VWF: variants seen among roughly 807,000 people sequenced by gnomAD.
VWF encodes Factor VIII related antigen.
VWF carries 176 observed loss-of-function variants against 308.6 expected under a neutral mutation model. The ratio of observed to expected loss-of-function variants is 0.57; its 90% CI spans 0.50 to 0.65. The LOEUF (loss-of-function observed/expected upper bound fraction) is 0.65, where lower values mean the gene tolerates loss of function less well. VWF is among the 30% of genes least tolerant of loss of function. VWF has a pLI of 0.00. For synonymous variants in VWF, 1,385 were observed against 1,443.4 expected (o/e 0.96, Z 0.92); for missense variants, 3,146 against 3,648.2 (o/e 0.86, Z 3.55).
At chr12:5,995,161 G>A (rs986078068) in intron 35 of VWF, among the ~76,000 whole-genome samples, 6 of 152,154 alleles carry the variant, frequency 3.9e-5, no homozygotes, top group African/African-American at 1.4e-4. Context: ...CAAAAGGTTG[G>A]ACACTGGTGT....
At chr12:6,002,597 T>C (rs1193458355) in intron 34 of VWF, among the ~76,000 whole-genome samples, 1 of 151,836 alleles carries the variant, frequency 6.6e-6, no homozygotes, top group Non-Finnish European at 1.5e-5. Context: ...CTCCTGTAGA[T>C]AAAAGACAAA....
intron 38 of VWF, among the ~76,000 whole-genome samples, chr12:5,990,639 A>C (rs1943729076): frequency 6.6e-6 from 1 of 152,012 alleles, no homozygotes; most frequent in Admixed American, 6.6e-5. Flanking sequence ...CTAGAAGCCA[A>C]ATATGCTTCT....
chr12:6,095,330 G>T, intron 6 of VWF, 130 bp downstream of exon 6: 1 of 1,434,628 alleles, frequency 7.0e-7, no homozygotes, highest in Non-Finnish European at 9.8e-7. Context: ...GCCACAGTTA[G>T]TTTTGGAGGA....
chr12:5,985,678 C>G lies in VWF; in HGVS notation c.6799-13G>C, dbSNP rs764580600. The G allele has an allele frequency of 6.2e-7, 1 of 1,612,854 alleles. No individual in the cohort carries two copies. Among genetic ancestry groups the G allele is most frequent in the East Asian group, 2.2e-5 (1 of 44,874 alleles). ...AGGCTTCCAGGAACTGAGGGCAAAG[C>G]GAGGTTCAGAAAGGGCACAGGACAT... On this transcript the variant is annotated splice_polypyrimidine_tract_variant and intron_variant, in intron 38 of 51. Transcript: ENST00000261405.
intron 3 of VWF, among the ~76,000 whole-genome samples, chr12:6,119,626 A>G (rs1169175429): frequency 6.6e-6 from 1 of 152,122 alleles, no homozygotes; most frequent in Non-Finnish European, 1.5e-5. Flanking sequence ...CGGGTGGATC[A>G]CCTGAGGTCA....
intron 7 of VWF, among the ~76,000 whole-genome samples, chr12:6,074,267 A>G (rs1944814850): frequency 6.6e-6 from 1 of 151,844 alleles, no homozygotes; most frequent in Non-Finnish European, 1.5e-5. Context: ...CACAGATATC[A>G]CCTAAGCACT....
In VWF at chr12:6,066,355, A is replaced by G. The variant is rs1353281559; in HGVS notation, c.1157-1082T>C. 3.9e-5 allele frequency among the ~76,000 whole-genome samples: 6 copies of G among 152,240 alleles called. No homozygotes were observed. The East Asian group carries it at 5.8e-4, about 15-fold the overall frequency. On this transcript the variant is annotated intron_variant, in intron 10 of 51. Coordinates refer to ENST00000261405, the MANE Select transcript of VWF (RefSeq NM_000552.5). ...TGGATCCCTTCCCAACCTGCCCTAT[A>G]TATTTCCTCCACCTGCTCTCATCTT...
chr12:6,019,832 C>G lies in VWF; in HGVS notation c.3675-89G>C. 3.6e-6 allele frequency: 5 copies of G among 1,387,086 alleles called. No individual in the cohort carries two copies. Among genetic ancestry groups the G allele is most frequent in the Non-Finnish European group, 4.9e-6 (5 of 1,010,338 alleles). 85.9% of individuals were successfully genotyped at this position (1,387,086 alleles called of 1,614,324 possible). A position where few individuals can be genotyped will look rare whatever the true frequency, so the allele number is the denominator to read the frequency against. On this transcript the variant is annotated intron_variant, in intron 27 of 51. Coordinates refer to ENST00000261405, the MANE Select transcript of VWF (RefSeq NM_000552.5). This position sits in a 1 kb window ranked among gnomAD's most constrained non-coding sequence, Gnocchi z 5.8. ...ACAGTGTACAATGACTTCCATATTC[C>G]CACAGAATCTCCTCTGTTCCACCTG...
chr12:6,031,039 A>AC (rs1591871405), intron 21 of VWF, among the ~76,000 whole-genome samples: 2 of 152,202 alleles, frequency 1.3e-5, no homozygotes, highest in Non-Finnish European at 2.9e-5. Flanking sequence ...TCAAAAAAAT[A>AC]AAGTATTTAT....
rs972740801 is a variant in VWF at position 6,056,922 on chromosome 12, G to C, written c.1880C>G (p.Ala627Gly). 6.5e-7 allele frequency: 1 copy of C among 1,533,012 alleles called. No individual in the cohort carries two copies. The highest frequency in any genetic ancestry group is 1.2e-5 in the South Asian group (1 of 83,588). 95.0% of individuals were successfully genotyped at this position (1,533,012 alleles called of 1,614,324 possible). ...CCCCGCGCAGGCCGCGGCATAGCTG[G>C]CCAGGGCGCCGCACAGGCACTCGCG... ...DGRECLCGAL[A>G]SYAAACAGRG... The change falls in exon 15 of 52, where the codon GCC (alanine) becomes GGC (glycine). Residue 627 changes from alanine to glycine, a missense_variant. By Grantham distance (60) the Ala-to-Gly change is moderately conservative. Coordinates refer to ENST00000261405, the MANE Select transcript of VWF (RefSeq NM_000552.5).
chr12:6,062,335 C>T (rs538576447), intron 13 of VWF, among the ~76,000 whole-genome samples: 77 of 152,132 alleles, frequency 5.1e-4, no homozygotes, highest in Non-Finnish European at 9.7e-4. Flanking sequence ...TTCTGGAGTG[C>T]TGCACCATCC....
Position 5,993,909 on chromosome 12 carries a change from C to T in VWF, c.6551G>A (p.Cys2184Tyr), listed in dbSNP as rs2136385288. 1.2e-6 allele frequency: 2 copies of T among 1,613,988 alleles called. No homozygotes were observed. Among genetic ancestry groups the T allele is most frequent in the Non-Finnish European group, 8.5e-7 (1 of 1,180,016 alleles). Residue 2184 changes from cysteine (C) to tyrosine (Y), a missense_variant, in exon 37 of 52, where the codon TGT (cysteine) becomes TAT (tyrosine). Transcript: ENST00000261405. ...GTCAACGCAGACCCCGTTGGTCCGA[C>T]AGAGGTGGGCATAAGAGGCGATCAC... ...CEVIASYAHL[C>Y]RTNGVCVDWR...
chr12:5,961,039 TACCGTGA>T (rs1943308284), intron 47 of VWF, among the ~76,000 whole-genome samples: 2 of 152,112 alleles, frequency 1.3e-5, no homozygotes, highest in Non-Finnish European at 2.9e-5. Context: ...GCCCAAACCC[TACCGTGA>T]ACTGCACATG....
At chr12:6,040,151 C>A in intron 18 of VWF, among the ~76,000 whole-genome samples, 1 of 152,118 alleles carries the variant, frequency 6.6e-6, no homozygotes, top group East Asian at 1.9e-4. Flanking sequence ...TTACCCTTGC[C>A]GCCGGACTCA....
intron 45 of VWF, among the ~76,000 whole-genome samples, chr12:5,968,898 T>C (rs1273368652): frequency 6.6e-6 from 1 of 152,152 alleles, no homozygotes; most frequent in Non-Finnish European, 1.5e-5. Context: ...ATTTTTCTGT[T>C]TGTTGGCAGC....
intron 22 of VWF, among the ~76,000 whole-genome samples, chr12:6,029,073 A>G (rs1944227482): frequency 6.8e-6 from 1 of 147,514 alleles, no homozygotes; most frequent in Non-Finnish European, 1.5e-5. Context: ...AAGGTCTACC[A>G]AGCAAATGGA....
intron 15 of VWF, among the ~76,000 whole-genome samples, chr12:6,055,443 T>C (rs920054789): frequency 1.3e-5 from 2 of 152,116 alleles, no homozygotes; most frequent in African/African-American, 4.8e-5. Flanking sequence ...CACGGGAAAG[T>C]TGCCAGTAAG....
chr12:6,076,748 A>G (rs1944849069), intron 6 of VWF, among the ~76,000 whole-genome samples: 1 of 152,214 alleles, frequency 6.6e-6, no homozygotes, highest in Non-Finnish European at 1.5e-5. Context: ...GGAGAGGGAA[A>G]TTCAATCAGC....
chr12:6,016,127 T>C lies in VWF; in HGVS notation c.5417A>G (p.Asp1806Gly). ...GGCATCAGCTGCTGCATCCACTGAA[T>C]CCACAGAGACGTCCGTGACCAGGAT... ...VVILVTDVSVDSVDAAADAAR... is the reference protein window; with the variant it reads ...VVILVTDVSVGSVDAAADAAR... Residue 1806 changes from aspartate to glycine, a missense_variant, in exon 31 of 52, where the codon GAT (aspartate) becomes GGT (glycine). Transcript: ENST00000261405. The C allele has an allele frequency of 6.2e-7, 1 of 1,614,150 alleles. No individual in the cohort carries two copies. The highest frequency in any genetic ancestry group is 2.2e-5 in the East Asian group (1 of 44,880).
Sources: allele counts gnomAD v4.1 joint callset (sites outside exome capture counted in the v4.1 genomes callset), GRCh38; gene constraint gnomAD v4.1.1; non-coding constraint Gnocchi (gnomAD v3.1); transcripts MANE v1.5; gene names NCBI Gene and HGNC (gene_info 2026-07-23, HGNC 2026-07-21).